The following PDE1A variants were observed in gnomAD, a reference collection of about 807,000 sequenced individuals.
PDE1A encodes dual specificity calcium/calmodulin-dependent 3',5'-cyclic nucleotide phosphodiesterase 1A.
A neutral mutation model predicts 61.7 loss-of-function variants in PDE1A; 35 were observed. The observed-to-expected ratio is 0.57, with a 90% CI of 0.43 to 0.75. PDE1A has a LOEUF of 0.75. Among genes scored for constraint, PDE1A ranks in the 30% least tolerant of loss-of-function variants. PDE1A has a pLI of 0.00. For missense variants in PDE1A, 597 were observed against 630.6 expected (o/e 0.95, Z 0.57); for synonymous variants, 232 against 213.2 (o/e 1.09, Z -0.77).
At chr2:182,334,587 G>T (rs1697655244) in intron 1 of PDE1A, among the ~76,000 whole-genome samples, 1 of 152,066 alleles carries the variant, frequency 6.6e-6, no homozygotes, top group African/African-American at 2.4e-5. Context: ...GCTTCATGCT[G>T]AAAACTCTCA....
the PDE1A span, among the ~76,000 whole-genome samples, chr2:182,576,864 A>G: frequency 6.6e-6 from 1 of 152,170 alleles, no homozygotes; most frequent in African/African-American, 2.4e-5. Flanking sequence ...GGTGATTATA[A>G]GCATCTTTTC....
chr2:182,501,137 AACT>A (rs1466495066), intron 2 of PDE1A, among the ~76,000 whole-genome samples: 1 of 152,198 alleles, frequency 6.6e-6, no homozygotes, highest in Non-Finnish European at 1.5e-5. Context: ...AGTCAACTGA[AACT>A]ACTACTACTG....
At chr2:182,268,363 A>G (rs1438074) in intron 1 of PDE1A, among the ~76,000 whole-genome samples, 16,001 of 152,070 alleles carry the variant, frequency 0.11, 1,179 homozygotes, top group East Asian at 0.32. Context: ...GTAAAAGAAT[A>G]AATATCTATA....
At chr2:182,554,296 G>A in the PDE1A span, among the ~76,000 whole-genome samples, 4 of 152,116 alleles carry the variant, frequency 2.6e-5, no homozygotes, top group African/African-American at 9.7e-5. Flanking sequence ...ATCCATCTTT[G>A]ATGAAACTCC....
chr2:182,169,076 T>C (rs577915236), intron 13 of PDE1A, among the ~76,000 whole-genome samples: 1 of 152,074 alleles, frequency 6.6e-6, no homozygotes, highest in Non-Finnish European at 1.5e-5. Flanking sequence ...ATAAATATCA[T>C]AAATAATTTC....
At chr2:182,594,272 C>T in the PDE1A span, among the ~76,000 whole-genome samples, 3 of 152,080 alleles carry the variant, frequency 2.0e-5, no homozygotes, top group Non-Finnish European at 4.4e-5. Context: ...AAGATAATAC[C>T]ATAAGCTTAC....
chr2:182,431,301 G>A (rs916749107), upstream of PDE1A, among the ~76,000 whole-genome samples: 2 of 152,018 alleles, frequency 1.3e-5, no homozygotes, highest in East Asian at 3.9e-4. Context: ...AAGTGTGCAT[G>A]TGATCCTCCC....
chr2:182,677,828 T>C, the PDE1A span, among the ~76,000 whole-genome samples: 1 of 152,162 alleles, frequency 6.6e-6, no homozygotes, highest in Non-Finnish European at 1.5e-5. Flanking sequence ...ATGCAGAAGA[T>C]TGAAACTGGA....
intron 2 of PDE1A, among the ~76,000 whole-genome samples, chr2:182,250,277 G>GAATTT (rs770020012): frequency 7.2e-5 from 11 of 152,204 alleles, no homozygotes; most frequent in Middle Eastern, 3.2e-3. Context: ...GAGGAAGCTT[G>GAATTT]AATTTAATTT....
intron 7 of PDE1A, among the ~76,000 whole-genome samples, chr2:182,222,665 C>A (rs1688825581): frequency 6.6e-6 from 1 of 151,902 alleles, no homozygotes. Flanking sequence ...GGAACTCATG[C>A]AACTCTGTAC....
At chr2:182,527,330 ATATATATATATAT>A (rs1690792204), upstream of PDE1A, among the ~76,000 whole-genome samples, 47 of 7,374 alleles carry the variant, frequency 6.4e-3, 8 homozygotes, top group South Asian at 0.024. Flanking sequence ...AAAAAAAAAT[ATATATATATATAT>A]ATATATATAT....
chr2:182,540,500 C>A, the PDE1A span, among the ~76,000 whole-genome samples: 3 of 151,940 alleles, frequency 2.0e-5, no homozygotes. Flanking sequence ...AAGGGACTAA[C>A]CTCTCCCACT....
intron 2 of PDE1A, among the ~76,000 whole-genome samples, chr2:182,451,770 C>T (rs369081965): frequency 1.5e-4 from 23 of 152,118 alleles, no homozygotes; most frequent in East Asian, 9.8e-4. Context: ...TGTGCAGTAC[C>T]GCTTCCCATG....
At chr2:182,575,304 T>C in the PDE1A span, among the ~76,000 whole-genome samples, 1 of 151,952 alleles carries the variant, frequency 6.6e-6, no homozygotes, top group South Asian at 2.1e-4. Context: ...TTACCTCCAT[T>C]GTGGAGGAGT....
At chr2:182,281,752 G>A (rs946923123) in intron 1 of PDE1A, among the ~76,000 whole-genome samples, 2 of 151,840 alleles carry the variant, frequency 1.3e-5, no homozygotes, top group African/African-American at 4.8e-5. Context: ...TGCTTAGATT[G>A]TTTTACAGTC....
chr2:182,584,458 C>A, the PDE1A span, among the ~76,000 whole-genome samples: 5 of 152,200 alleles, frequency 3.3e-5, no homozygotes, highest in African/African-American at 4.8e-5. Flanking sequence ...AGGCAAACTA[C>A]TTAACTTAAA....
chr2:182,620,571 C>T, the PDE1A span, among the ~76,000 whole-genome samples: 23 of 152,170 alleles, frequency 1.5e-4, no homozygotes, highest in Non-Finnish European at 2.9e-5. Flanking sequence ...TTATAATTCT[C>T]TTAAAACAGG....
chr2:182,327,618 C>T (rs935574059), intron 1 of PDE1A, among the ~76,000 whole-genome samples: 2 of 152,134 alleles, frequency 1.3e-5, no homozygotes, highest in African/African-American at 4.8e-5. Flanking sequence ...TCTAAATCTG[C>T]TAACAGTTTT....
At chr2:182,689,603 A>C in the PDE1A span, among the ~76,000 whole-genome samples, 1 of 152,362 alleles carries the variant, frequency 6.6e-6, no homozygotes, top group South Asian at 2.1e-4. Flanking sequence ...ACACCCTAAC[A>C]TCACAATTAA....
Sources: gnomAD v4.1 joint callset for allele counts (sites outside exome capture counted in the v4.1 genomes callset) on GRCh38, gnomAD v4.1.1 for gene constraint, MANE v1.5 for transcripts, NCBI Gene and HGNC (gene_info 2026-07-23, HGNC 2026-07-21) for gene names.